The following FYB1 variants were observed in gnomAD, a reference collection of about 807,000 sequenced individuals.
FYB1 encodes FYN-binding protein 1.
FYB1 carries 41 observed loss-of-function variants against 94.1 expected under a neutral mutation model. The observed-to-expected ratio is 0.44, with a 90% CI of 0.34 to 0.57. The LOEUF is 0.57. Ranked by LOEUF, FYB1 falls within the 20% of genes least tolerant of loss-of-function variation. FYB1 has a pLI of 0.02. For synonymous variants in FYB1, 367 were observed against 353.2 expected (o/e 1.04, Z -0.44); for missense variants, 1,050 against 976.8 (o/e 1.07, Z -1.00).
chr5:39,161,969 A>C (rs1267350655), intron 2 of FYB1, among the ~76,000 whole-genome samples: 3 of 152,228 alleles, frequency 2.0e-5, no homozygotes. Flanking sequence ...GTTTGTGACT[A>C]GTTTCTTTCA....
At chr5:39,228,849 T>C (rs1750596693) in intron 1 of FYB1, among the ~76,000 whole-genome samples, 1 of 152,198 alleles carries the variant, frequency 6.6e-6, no homozygotes, top group Admixed American at 6.5e-5. Flanking sequence ...TTCTGAGAGC[T>C]AATAAATTTT....
chr5:39,132,604 A>G (rs1438842594), intron 9 of FYB1, among the ~76,000 whole-genome samples: 1 of 152,218 alleles, frequency 6.6e-6, no homozygotes, highest in Non-Finnish European at 1.5e-5. Context: ...TATGGATTCA[A>G]TAAAATGGAA....
At chr5:39,166,737 G>A (rs2150387585) in intron 2 of FYB1, among the ~76,000 whole-genome samples, 1 of 152,214 alleles carries the variant, frequency 6.6e-6, no homozygotes, top group South Asian at 2.1e-4. Flanking sequence ...TCACTTGTAA[G>A]TGGGAGTTAA....
chr5:39,162,718 A>ATT (rs60393235), intron 2 of FYB1, among the ~76,000 whole-genome samples: 2 of 148,684 alleles, frequency 1.3e-5, no homozygotes, highest in Admixed American at 1.3e-4. Flanking sequence ...CCGTTTAGTG[A>ATT]TTTTTTTTTT....
chr5:39,218,916 T>G (rs1232862632), intron 1 of FYB1, among the ~76,000 whole-genome samples: 1 of 152,212 alleles, frequency 6.6e-6, no homozygotes, highest in Non-Finnish European at 1.5e-5. Flanking sequence ...CCAGGATTCC[T>G]TCTGAGAAGG....
chr5:39,163,946 C>T (rs1196544912), intron 2 of FYB1, among the ~76,000 whole-genome samples: 1 of 152,216 alleles, frequency 6.6e-6, no homozygotes, highest in Non-Finnish European at 1.5e-5. Context: ...GAAACATCCT[C>T]AGATGAACAC....
intron 1 of FYB1, among the ~76,000 whole-genome samples, chr5:39,239,208 C>T (rs1331546818): frequency 6.6e-6 from 1 of 152,078 alleles, no homozygotes; most frequent in East Asian, 1.9e-4. Context: ...CAACATCATA[C>T]TAAATGGGCA....
chr5:39,146,687 A>G (rs939955897), intron 3 of FYB1, among the ~76,000 whole-genome samples: 1 of 152,228 alleles, frequency 6.6e-6, no homozygotes, highest in Non-Finnish European at 1.5e-5. Context: ...TAGCACATTC[A>G]TACACGTGTG....
In FYB1 at chr5:39,210,720, C is replaced by T. The variant is rs552705841; in HGVS notation, c.-27-7733G>A. 2.0e-5 allele frequency among the ~76,000 whole-genome samples: 3 copies of T among 152,272 alleles called. No individual in the cohort carries two copies. In the East Asian group the frequency reaches 5.8e-4, roughly 29 times the overall value. On this transcript the variant is annotated intron_variant, in intron 1 of 18. Coordinates refer to ENST00000512982, the MANE Select transcript of FYB1 (RefSeq NM_001465.6). ...CATAAATGGATAAGGAAGTTAAATA[C>T]GACTTTCTAGCCAGGCATGATAGTG...
At chr5:39,167,271 G>C (rs946893044) in intron 2 of FYB1, among the ~76,000 whole-genome samples, 1 of 150,714 alleles carries the variant, frequency 6.6e-6, no homozygotes, top group Admixed American at 6.6e-5. Flanking sequence ...CTCTCTCTCT[G>C]TCTCTCTCTC....
intron 2 of FYB1, among the ~76,000 whole-genome samples, chr5:39,173,057 A>C (rs1037807358): frequency 6.6e-6 from 1 of 152,220 alleles, no homozygotes; most frequent in Non-Finnish European, 1.5e-5. Flanking sequence ...ACTACCTTAC[A>C]TTCCCACCAA....
chr5:39,110,469 A>T (rs1580285380), intron 16 of FYB1, 80 bp from the exon 17 acceptor site: 1 of 870,824 alleles, frequency 1.1e-6, no homozygotes, highest in Non-Finnish European at 1.9e-6. Context: ...AAATCAAAAC[A>T]CAAGAGAGTA....
intron 2 of FYB1, among the ~76,000 whole-genome samples, chr5:39,161,576 A>T (rs1744248902): frequency 6.6e-6 from 1 of 152,068 alleles, no homozygotes; most frequent in South Asian, 2.1e-4. Context: ...TTGGCACAAA[A>T]AGAGCAATCT....
intron 3 of FYB1, among the ~76,000 whole-genome samples, chr5:39,150,515 T>A (rs565163283): frequency 6.6e-6 from 1 of 152,346 alleles, no homozygotes; most frequent in East Asian, 1.9e-4. Flanking sequence ...GTTGCCCAAT[T>A]TTAGACGTGC....
chr5:39,144,170 T>C (rs1742435318), intron 3 of FYB1, among the ~76,000 whole-genome samples: 1 of 152,232 alleles, frequency 6.6e-6, no homozygotes, highest in African/African-American at 2.4e-5. Context: ...AAATTTGTGG[T>C]GTAGACTTTC....
intron 1 of FYB1, among the ~76,000 whole-genome samples, chr5:39,241,038 G>A (rs772595710): frequency 1.3e-5 from 2 of 152,030 alleles, no homozygotes; most frequent in Admixed American, 6.6e-5. Flanking sequence ...GGAGCTGGAG[G>A]TTATAATCCT....
At chr5:39,223,756 A>G (rs868036404), upstream of FYB1, among the ~76,000 whole-genome samples, 13 of 152,344 alleles carry the variant, frequency 8.5e-5, no homozygotes, top group Middle Eastern at 0.01. Flanking sequence ...CAAGGAGATA[A>G]AACCCTAGGT....
intron 3 of FYB1, among the ~76,000 whole-genome samples, chr5:39,143,218 G>C (rs1373249354): frequency 6.6e-6 from 1 of 151,898 alleles, no homozygotes; most frequent in Non-Finnish European, 1.5e-5. Flanking sequence ...CTCAGAAACT[G>C]AGGTTCCCTC....
intron 1 of FYB1, among the ~76,000 whole-genome samples, chr5:39,273,139 G>A (rs568409877): frequency 5.3e-5 from 8 of 152,174 alleles, no homozygotes; most frequent in Non-Finnish European, 1.2e-4. Context: ...CGTCTGGGAG[G>A]TGTACCCAAC....
Sources: allele counts gnomAD v4.1 joint callset (sites outside exome capture counted in the v4.1 genomes callset), GRCh38; gene constraint gnomAD v4.1.1; transcripts MANE v1.5; gene names NCBI Gene and HGNC (gene_info 2026-07-23, HGNC 2026-07-21).